The following MRTFB variants were observed in gnomAD, a reference collection of about 807,000 sequenced individuals.
The protein encoded by MRTFB is myocardin-related transcription factor B.
MRTFB carries 29 observed loss-of-function variants against 104.2 expected under a neutral mutation model. The ratio of observed to expected loss-of-function variants is 0.28; its 90% CI spans 0.21 to 0.38. MRTFB has a LOEUF of 0.38. Ranked by LOEUF, MRTFB falls within the 10% of genes least tolerant of loss-of-function variation. The pLI is 1.00. For missense variants in MRTFB, 1,270 were observed against 1,341.6 expected, an observed-to-expected ratio of 0.95 and a Z score of 0.83; for synonymous variants, 535 against 519.5, an observed-to-expected ratio of 1.03 and a Z score of -0.41.
intron 3 of MRTFB, among the ~76,000 whole-genome samples, chr16:14,180,382 T>C (rs1357879541): frequency 6.6e-6 from 1 of 152,242 alleles, no homozygotes; most frequent in Non-Finnish European, 1.5e-5. Flanking sequence ...ACTGATCATA[T>C]CATCTGAGGA....
chr16:14,020,761 G>A, the MRTFB span, among the ~76,000 whole-genome samples: 2 of 152,174 alleles, frequency 1.3e-5, no homozygotes, highest in African/African-American at 2.4e-5. Flanking sequence ...ACCCTTGTAT[G>A]CTACTCAAGG....
chr16:14,142,995 A>C (rs1353436694), intron 3 of MRTFB: 2 of 152,106 alleles, frequency 1.3e-5, no homozygotes, highest in Non-Finnish European at 2.9e-5. Context: ...AAACCATCCT[A>C]CTCAAAGTCT....
chr16:14,130,065 C>T lies in MRTFB; in HGVS notation c.-63-10479C>T, dbSNP rs150356824. ...AGGCTGGTCTTGCACTGCTGGCCTC[C>T]AGTGATCTGCCCACCTCGGCCTCCC... On this transcript the variant is annotated intron_variant, in intron 2 of 16. Transcript: ENST00000571589. 1.8e-3 allele frequency among the ~76,000 whole-genome samples: 278 copies of T among 152,246 alleles called. 4 individuals are homozygous for T. In the South Asian group the frequency reaches 0.033, roughly 18 times the overall value.
the MRTFB span, among the ~76,000 whole-genome samples, chr16:14,025,768 T>C: frequency 2.0e-5 from 3 of 152,108 alleles, no homozygotes; most frequent in African/African-American, 7.2e-5. Flanking sequence ...TAAACAACTA[T>C]AGCAAGCTAA....
intron 8 of MRTFB, among the ~76,000 whole-genome samples, chr16:14,225,297 A>G (rs970753378): frequency 2.6e-5 from 4 of 152,258 alleles, no homozygotes; most frequent in African/African-American, 7.2e-5. Context: ...CATTCATTAA[A>G]AATTACAAAT....
chr16:14,190,959 G>A (rs2040154875), intron 3 of MRTFB, among the ~76,000 whole-genome samples: 1 of 152,198 alleles, frequency 6.6e-6, no homozygotes, highest in Admixed American at 6.5e-5. Flanking sequence ...CAGCAATGCA[G>A]TAAATTAACA....
At chr16:14,193,398 T>C (rs2040282635) in intron 3 of MRTFB, among the ~76,000 whole-genome samples, 1 of 151,836 alleles carries the variant, frequency 6.6e-6, no homozygotes, top group Non-Finnish European at 1.5e-5. Flanking sequence ...TCATCTCTCT[T>C]CTCTCTAGAA....
chr16:14,248,793 G>A, intron 12 of MRTFB, 133 bp from the exon 13 acceptor site: 1 of 836,708 alleles, frequency 1.2e-6, no homozygotes, highest in East Asian at 2.8e-5. Context: ...TGCAGATGAA[G>A]TGTGTATCTG....
chr16:14,109,281 A>C (rs1428486011), intron 2 of MRTFB, among the ~76,000 whole-genome samples: 2 of 152,218 alleles, frequency 1.3e-5, no homozygotes, highest in Non-Finnish European at 2.9e-5. Flanking sequence ...GCATAAAAAT[A>C]AACTGAACAG....
chr16:14,049,047 A>G, the MRTFB span, among the ~76,000 whole-genome samples: 2 of 152,120 alleles, frequency 1.3e-5, no homozygotes, highest in African/African-American at 4.8e-5. Context: ...CAATGTCTGG[A>G]GCCATGTTTG....
At chr16:14,017,739 C>G in the MRTFB span, among the ~76,000 whole-genome samples, 1 of 63,370 alleles carries the variant, frequency 1.6e-5, no homozygotes, top group African/African-American at 5.8e-5. Context: ...TTTTTTGAGA[C>G]AGGGTCTCTC....
At chr16:14,102,406 G>C (rs2035751748) in intron 2 of MRTFB, among the ~76,000 whole-genome samples, 1 of 152,160 alleles carries the variant, frequency 6.6e-6, no homozygotes, top group East Asian at 1.9e-4. Context: ...CTTTCTTCCA[G>C]TTGGGGGTGA....
the MRTFB span, among the ~76,000 whole-genome samples, chr16:14,027,146 A>G: frequency 2.0e-5 from 3 of 152,342 alleles, no homozygotes; most frequent in South Asian, 2.1e-4. Flanking sequence ...CAAACCAGAA[A>G]CAACCCAAAT....
chr16:14,200,295 C>T, intron 3 of MRTFB: 3 of 1,597,832 alleles, frequency 1.9e-6, no homozygotes, highest in South Asian at 1.1e-5. Flanking sequence ...TGAGTTCCGA[C>T]CCGGACCCGT....
chr16:14,133,226 G>T (rs2037532607), intron 2 of MRTFB, among the ~76,000 whole-genome samples: 1 of 152,198 alleles, frequency 6.6e-6, no homozygotes, highest in Non-Finnish European at 1.5e-5. Flanking sequence ...CCCTGTATCA[G>T]AAGGCTGGCA....
chr16:14,126,179 A>C (rs1448864000), intron 2 of MRTFB, among the ~76,000 whole-genome samples: 1 of 152,198 alleles, frequency 6.6e-6, no homozygotes, highest in East Asian at 1.9e-4. Flanking sequence ...CCACTCTCTA[A>C]AAGCCAGAGG....
rs774972398 is a variant in MRTFB at position 14,260,935 on chromosome 16, C to A, written c.2791C>A (p.Pro931Thr). Residue 931 changes from proline to threonine, a missense_variant, in exon 17 of 17, where the codon CCT (proline) becomes ACT (threonine). This residue lies in a region of MRTFB where 1,144 missense variants were observed against 1,131.5 expected (regional missense o/e 1.01). Coordinates refer to ENST00000571589, the MANE Select transcript of MRTFB (RefSeq NM_001308142.2). Reference protein sequence around the residue: ...GEISLPIKEEPSPISKMRPVT... With the variant: ...GEISLPIKEETSPISKMRPVT... ...GATCTCCCTCCCCATAAAAGAAGAA[C>A]CTTCTCCTATTTCCAAAATGAGACC... 6 of 1,610,920 alleles carry A rather than the reference C, an allele frequency of 3.7e-6. No individual in the cohort carries two copies. Among genetic ancestry groups the A allele is most frequent in the African/African-American group, 1.3e-5 (1 of 74,962 alleles).
chr16:14,110,896 C>T (rs1016814477), intron 2 of MRTFB, among the ~76,000 whole-genome samples: 4 of 152,122 alleles, frequency 2.6e-5, no homozygotes, highest in Admixed American at 6.5e-5. Context: ...CTCTGAATCT[C>T]GTCTCCCTTA....
chr16:14,259,924 C>T (rs748936868), intron 16 of MRTFB, among the ~76,000 whole-genome samples: 4 of 152,158 alleles, frequency 2.6e-5, no homozygotes, highest in Admixed American at 1.3e-4. Flanking sequence ...TTTTAAGTTC[C>T]TTCTCTCAGC....
Sources: allele counts gnomAD v4.1 joint callset (sites outside exome capture counted in the v4.1 genomes callset), GRCh38; gene constraint gnomAD v4.1.1; regional missense constraint gnomAD v4.1.1; transcripts MANE v1.5; gene names NCBI Gene and HGNC (gene_info 2026-07-23, HGNC 2026-07-21).